The following DIS3L2 variants were observed in gnomAD, a reference collection of about 807,000 sequenced individuals.
The protein encoded by DIS3L2 is DIS3-like exonuclease 2.
A neutral mutation model predicts 97.5 loss-of-function variants in DIS3L2; 34 were observed. That is an observed-to-expected ratio of 0.35 (90% confidence interval 0.27 to 0.46). The LOEUF is 0.46. Among genes scored for constraint, DIS3L2 ranks in the 20% least tolerant of loss-of-function variants. The pLI is 1.00. For missense variants in DIS3L2, 1,038 were observed against 1,146.0 expected, an observed-to-expected ratio of 0.91 and a Z score of 1.36; for synonymous variants, 435 against 445.2, an observed-to-expected ratio of 0.98 and a Z score of 0.29.
intron 10 of DIS3L2, among the ~76,000 whole-genome samples, chr2:232,227,389 A>G (rs1262452812): frequency 6.6e-6 from 1 of 152,238 alleles, no homozygotes; most frequent in Non-Finnish European, 1.5e-5. Context: ...CCTGGGTCTC[A>G]GTGTCTTTAT....
chr2:232,040,124 C>T (rs539270001), intron 5 of DIS3L2, among the ~76,000 whole-genome samples: 3 of 152,182 alleles, frequency 2.0e-5, no homozygotes, highest in South Asian at 2.1e-4. Flanking sequence ...TTGGGGAAGA[C>T]TTCATAGAGG....
chr2:232,331,826 C>T (rs1695745209), intron 16 of DIS3L2: 2 of 152,218 alleles, frequency 1.3e-5, no homozygotes, highest in South Asian at 2.1e-4. Flanking sequence ...GGAGCCGCTC[C>T]GGAGTTAGCC....
intron 1 of DIS3L2, among the ~76,000 whole-genome samples, chr2:231,995,853 A>G (rs1246700325): frequency 6.6e-6 from 1 of 152,230 alleles, no homozygotes; most frequent in Admixed American, 6.5e-5. Flanking sequence ...AGATTTTGAC[A>G]CACAGCTTCC....
chr2:232,192,512 T>C (rs1430643998), intron 9 of DIS3L2, among the ~76,000 whole-genome samples: 4 of 152,248 alleles, frequency 2.6e-5, no homozygotes, highest in Non-Finnish European at 4.4e-5. Flanking sequence ...TTAGAGCCTG[T>C]CTTCTTTAAG....
At chr2:232,302,965 C>T (rs960112987) in intron 14 of DIS3L2, among the ~76,000 whole-genome samples, 1 of 152,128 alleles carries the variant, frequency 6.6e-6, no homozygotes, top group South Asian at 2.1e-4. Context: ...ACCTCTCTGG[C>T]AGGGTTGCAT....
chr2:232,321,642 C>T (rs1482499342), intron 14 of DIS3L2, among the ~76,000 whole-genome samples: 3 of 152,186 alleles, frequency 2.0e-5, no homozygotes, highest in Non-Finnish European at 4.4e-5. Context: ...GAAAAGCAAC[C>T]CTGCTCAGCC....
intron 5 of DIS3L2, among the ~76,000 whole-genome samples, chr2:232,067,993 G>A (rs1030304318): frequency 1.3e-5 from 2 of 152,048 alleles, no homozygotes; most frequent in Non-Finnish European, 2.9e-5. Flanking sequence ...AGAGGGAGAG[G>A]CAATGAGATG....
At chr2:232,087,125 C>A (rs1217934819) in intron 5 of DIS3L2, among the ~76,000 whole-genome samples, 2 of 152,054 alleles carry the variant, frequency 1.3e-5, no homozygotes, top group Admixed American at 1.3e-4. Flanking sequence ...GTTCTTTTAT[C>A]ATTCCCTAAC....
intron 8 of DIS3L2, among the ~76,000 whole-genome samples, chr2:232,140,500 A>G (rs779722633): frequency 6.6e-6 from 1 of 152,196 alleles, no homozygotes; most frequent in African/African-American, 2.4e-5. Context: ...TGGAACAGAA[A>G]ATGATGAGAA....
chr2:232,085,952 G>A (rs1014512297), intron 5 of DIS3L2, among the ~76,000 whole-genome samples: 5 of 151,950 alleles, frequency 3.3e-5, no homozygotes, highest in Admixed American at 6.6e-5. Flanking sequence ...GACTACAGGC[G>A]CCCTGCCCCC....
At chr2:232,097,179 TTGG>T (rs1559625261) in intron 6 of DIS3L2, among the ~76,000 whole-genome samples, 1 of 152,222 alleles carries the variant, frequency 6.6e-6, no homozygotes, top group Non-Finnish European at 1.5e-5. Flanking sequence ...AGGTTCTGCC[TTGG>T]TGGTCTTGGA....
rs111903317 is a variant in DIS3L2 at position 232,079,062 on chromosome 2, G to A, written c.367-8425G>A. On this transcript the variant is annotated intron_variant, in intron 5 of 20. Coordinates refer to ENST00000325385, the MANE Select transcript of DIS3L2 (RefSeq NM_152383.5). ...TACTGTGTGCCAGGCCTAGCCATGG[G>A]CACTTCATGGAGTTTATCAGGGAAG... 1.3e-4 allele frequency among the ~76,000 whole-genome samples: 20 copies of A among 152,276 alleles called. 2 individuals carry two copies. The highest frequency in any genetic ancestry group is 4.8e-4 in the African/African-American group (20 of 41,550).
intron 5 of DIS3L2, among the ~76,000 whole-genome samples, chr2:232,055,932 T>C (rs1695536424): frequency 6.6e-6 from 1 of 152,210 alleles, no homozygotes; most frequent in East Asian, 1.9e-4. Context: ...AAAAGGATGT[T>C]GACCTTTATT....
chr2:232,329,040 G>C (rs1227220647), intron 14 of DIS3L2: 1 of 152,434 alleles, frequency 6.6e-6, no homozygotes, highest in Middle Eastern at 3.4e-3. Context: ...CAGTCCTTCT[G>C]TGGGGAGCCA....
chr2:232,277,516 T>G (rs1245957802), intron 13 of DIS3L2, among the ~76,000 whole-genome samples: 1 of 152,208 alleles, frequency 6.6e-6, no homozygotes, highest in Non-Finnish European at 1.5e-5. Flanking sequence ...TTTCTCTTTC[T>G]TACTACCTTT....
Position 232,300,107 on chromosome 2 carries a change from G to C in DIS3L2, c.1727G>C (p.Arg576Pro). The C allele has an allele frequency of 6.2e-7, 1 of 1,613,584 alleles. No individual in the cohort carries two copies. The highest frequency in any genetic ancestry group is 8.5e-7 in the Non-Finnish European group (1 of 1,179,592). ...LPQGCHIYEY[R>P]ESNKLVEEFM... Reference sequence around the variant, plus strand: ...CAAGGATGTCATATCTATGAGTACCGCGAGAGCAACAAGTAAGCCACTCAG... The same window carrying C: ...CAAGGATGTCATATCTATGAGTACCCCGAGAGCAACAAGTAAGCCACTCAG... The change falls in exon 14 of 21, where the codon CGC becomes CCC. Residue 576 changes from arginine to proline, a missense_variant. Physicochemically the swap from Arg to Pro is moderately radical, Grantham distance 103 (BLOSUM62 -2). Coordinates refer to ENST00000325385, the MANE Select transcript of DIS3L2 (RefSeq NM_152383.5).
rs1317353851 is a variant in DIS3L2 at position 232,278,803 on chromosome 2, A to G, written c.1659+15363A>G. On this transcript the variant is annotated intron_variant, in intron 13 of 20. Coordinates refer to ENST00000325385, the MANE Select transcript of DIS3L2 (RefSeq NM_152383.5). ...AGGCTTTTGTATGACCATTTTTTCCATTTTACTTGGGTAAATATTTGGAAT... is the reference window on the plus strand; with the variant it reads ...AGGCTTTTGTATGACCATTTTTTCCGTTTTACTTGGGTAAATATTTGGAAT... Among the ~76,000 whole-genome samples the G allele has an allele frequency of 3.3e-5, 5 of 152,256 alleles. No homozygotes were observed. In the East Asian group the frequency reaches 5.8e-4, roughly 18 times the overall value.
chr2:232,075,028 A>G (rs1051740338), intron 5 of DIS3L2, among the ~76,000 whole-genome samples: 4 of 152,146 alleles, frequency 2.6e-5, no homozygotes, highest in African/African-American at 9.7e-5. Flanking sequence ...AGGCCAACAA[A>G]AGGTTCAGAG....
At chr2:232,171,962 T>G (rs1318112996) in intron 9 of DIS3L2, among the ~76,000 whole-genome samples, 1 of 152,152 alleles carries the variant, frequency 6.6e-6, no homozygotes, top group Non-Finnish European at 1.5e-5. Context: ...CCTAGAAATA[T>G]TTTTATAGCA....
Sources: allele counts gnomAD v4.1 joint callset (sites outside exome capture counted in the v4.1 genomes callset), GRCh38; gene constraint gnomAD v4.1.1; transcripts MANE v1.5; gene names NCBI Gene and HGNC (gene_info 2026-07-23, HGNC 2026-07-21).